Variants in DOCK1 observed in about 807,000 individuals in gnomAD.
DOCK1 encodes the protein dedicator of cytokinesis 1.
In DOCK1, 138 loss-of-function variants were observed where a neutral mutation model predicts 262.7. The observed-to-expected ratio is 0.53, with a 90% CI of 0.46 to 0.61. DOCK1 has a LOEUF of 0.61. DOCK1 is among the 20% of genes least tolerant of loss of function. The probability of loss-of-function intolerance (pLI) is 0.00; values close to 1 mark genes in which losing one functional copy is unlikely to be tolerated. For synonymous variants in DOCK1, 866 were observed against 867.4 expected (o/e 1.00, Z 0.03); for missense variants, 1,908 against 2,370.7 (o/e 0.80, Z 4.05).
At chr10:127,169,431 A>G (rs1219067359) in intron 27 of DOCK1, among the ~76,000 whole-genome samples, 2 of 152,196 alleles carry the variant, frequency 1.3e-5, no homozygotes, top group South Asian at 2.1e-4. Flanking sequence ...TGGCAGTCAC[A>G]CACCTTGGAC....
intron 12 of DOCK1, among the ~76,000 whole-genome samples, chr10:127,018,190 G>T (rs976273040): frequency 3.9e-5 from 6 of 152,222 alleles, no homozygotes; most frequent in African/African-American, 1.4e-4. Flanking sequence ...GCGGAGGGCT[G>T]TCCTGCTGGT....
At chr10:127,360,864 G>A (rs2064385836) in intron 32 of DOCK1, among the ~76,000 whole-genome samples, 1 of 152,122 alleles carries the variant, frequency 6.6e-6, no homozygotes, top group African/African-American at 2.4e-5. Flanking sequence ...GAACAGCTTT[G>A]GGTACAGCCC....
chr10:127,237,428 C>A (rs943917805), intron 27 of DOCK1, among the ~76,000 whole-genome samples: 1 of 151,564 alleles, frequency 6.6e-6, no homozygotes, highest in East Asian at 1.9e-4. Flanking sequence ...ATGTTGGGAT[C>A]CATATTTGGC....
chr10:127,136,139 C>T (rs993948849), intron 27 of DOCK1: 1 of 152,160 alleles, frequency 6.6e-6, no homozygotes, highest in African/African-American at 2.4e-5. Context: ...AAGCATACAA[C>T]TGCAGTGTTG....
chr10:127,195,047 C>G (rs546008619), intron 27 of DOCK1, among the ~76,000 whole-genome samples: 2 of 152,192 alleles, frequency 1.3e-5, no homozygotes, highest in Non-Finnish European at 2.9e-5. Flanking sequence ...ACTCCAGAGG[C>G]ACCTCTCCTC....
rs552839056 is a variant in DOCK1, at chr10:127,447,359, G to A, written c.5414-35G>A. 38 of 1,597,882 alleles carry A rather than the reference G, an allele frequency of 2.4e-5. No individual in the cohort carries two copies. In the Admixed American group the frequency reaches 3.1e-4, roughly 13 times the overall value. On this transcript the variant is annotated intron_variant, in intron 50 of 51. Transcript: ENST00000623213. ...CTGAGCATTCAGGCTCCGTGGGGAA[G>A]TCGGGCTGATTTTAAATAGATCCCG... is the stretch of plus-strand genomic sequence containing the variant.
intron 29 of DOCK1, among the ~76,000 whole-genome samples, chr10:127,315,669 T>G (rs1455640404): frequency 6.6e-6 from 1 of 152,228 alleles, no homozygotes; most frequent in African/African-American, 2.4e-5. Flanking sequence ...GAGCTGCCCC[T>G]GAAGTCACAT....
intron 27 of DOCK1, among the ~76,000 whole-genome samples, chr10:127,159,238 A>G (rs2053370616): frequency 6.6e-6 from 1 of 152,202 alleles, no homozygotes; most frequent in Non-Finnish European, 1.5e-5. Flanking sequence ...CTTTCTTCAC[A>G]GGACTTTGCT....
At chr10:127,340,257 A>G (rs969884821) in intron 30 of DOCK1, among the ~76,000 whole-genome samples, 2 of 152,208 alleles carry the variant, frequency 1.3e-5, no homozygotes, top group Non-Finnish European at 2.9e-5. Context: ...TATGTGCTGA[A>G]TATCAGTTTA....
At chr10:127,015,580 C>A (rs1354310803) in intron 12 of DOCK1, among the ~76,000 whole-genome samples, 4 of 152,008 alleles carry the variant, frequency 2.6e-5, no homozygotes, top group Admixed American at 1.3e-4. Context: ...AGGAACGGTG[C>A]CCCCGGGACT....
intron 33 of DOCK1, among the ~76,000 whole-genome samples, chr10:127,362,863 C>CCCCACACACACATACACATGTACAT (rs1565026568): frequency 3.5e-4 from 23 of 64,942 alleles, no homozygotes; most frequent in African/African-American, 1.8e-3. Context: ...ATGTACATCC[C>CCCCACACACACATACACATGTACAT]CACACACACA....
At chr10:126,948,759 C>T (rs1020886420) in intron 1 of DOCK1, among the ~76,000 whole-genome samples, 1 of 152,072 alleles carries the variant, frequency 6.6e-6, no homozygotes, top group Non-Finnish European at 1.5e-5. Flanking sequence ...CAAGCTTCCC[C>T]TCCCTGGAAT....
chr10:127,248,001 T>C lies in DOCK1; in HGVS notation c.2848-7T>C. On this transcript the variant is annotated splice_polypyrimidine_tract_variant and splice_region_variant and intron_variant, in intron 27 of 51. Transcript: ENST00000623213. ...TCATCTAATTCTATCTTTTGATTCA[T>C]TTACAGGGAAACTTCGTGGCTTGCA... The C allele has an allele frequency of 6.2e-7, 1 of 1,613,474 alleles. No homozygotes were observed. Among genetic ancestry groups the C allele is most frequent in the Non-Finnish European group, 8.5e-7 (1 of 1,179,546 alleles).
chr10:127,400,632 A>G (rs939478667), intron 38 of DOCK1, among the ~76,000 whole-genome samples: 1 of 152,242 alleles, frequency 6.6e-6, no homozygotes, highest in African/African-American at 2.4e-5. Context: ...GCAGATGCCC[A>G]CCTGACAAGG....
intron 22 of DOCK1, among the ~76,000 whole-genome samples, chr10:127,057,754 G>A (rs189423586): frequency 3.9e-5 from 6 of 152,264 alleles, no homozygotes; most frequent in Admixed American, 3.9e-4. Flanking sequence ...GGTTTCTTGT[G>A]CTTTGTAGAG....
chr10:127,106,241 T>C lies in DOCK1; in HGVS notation c.2456T>C (p.Leu819Pro). Reference protein sequence around the residue: ...DQTVRVKGAALKYLPTIVNDV... With the variant: ...DQTVRVKGAAPKYLPTIVNDV... ...TTTCTTGATTTGCAGGGGGCAGCAC[T>C]GAAATACTTACCAACGATCGTCAAC... The change falls in exon 24 of 52, where the codon CTG becomes CCG. Residue 819 changes from leucine to proline, a missense_variant. Leu to Pro is a moderately conservative substitution (Grantham distance 98, BLOSUM62 -3). This residue lies in a region of DOCK1 where 518 missense variants were observed against 575.1 expected (regional missense o/e 0.90). Transcript: ENST00000623213. 1.3e-6 allele frequency: 2 copies of C among 1,589,254 alleles called. No homozygotes were observed. Among genetic ancestry groups the C allele is most frequent in the Non-Finnish European group, 1.7e-6 (2 of 1,166,116 alleles).
chr10:126,905,902 C>T (rs2030685003), intron 1 of DOCK1, among the ~76,000 whole-genome samples: 1 of 152,082 alleles, frequency 6.6e-6, no homozygotes. Context: ...ACTCCCCGGC[C>T]CCGGCCGCTG....
intron 51 of DOCK1, among the ~76,000 whole-genome samples, chr10:127,449,606 C>T (rs1464458573): frequency 6.6e-6 from 1 of 152,166 alleles, no homozygotes; most frequent in Non-Finnish European, 1.5e-5. Flanking sequence ...TTACTTGCAG[C>T]CTGAGTGCAT....
intron 29 of DOCK1, among the ~76,000 whole-genome samples, chr10:127,293,840 T>C (rs184211098): frequency 1.3e-5 from 2 of 152,212 alleles, no homozygotes; most frequent in South Asian, 2.1e-4. Flanking sequence ...AGACTCTTCA[T>C]TGTAAAAAGC....
Sources: allele counts gnomAD v4.1 joint callset (sites outside exome capture counted in the v4.1 genomes callset), GRCh38; gene constraint gnomAD v4.1.1; regional missense constraint gnomAD v4.1.1; transcripts MANE v1.5; gene names NCBI Gene and HGNC (gene_info 2026-07-23, HGNC 2026-07-21).